NTM: variants seen among roughly 807,000 people sequenced by gnomAD.
NTM encodes the protein IgLON family member 2.
In NTM, 13 loss-of-function variants were observed where a neutral mutation model predicts 42.1. The observed-to-expected ratio is 0.31, with a 90% CI of 0.20 to 0.49. NTM has a LOEUF of 0.49. Ranked by LOEUF, NTM falls within the 20% of genes least tolerant of loss-of-function variation. The pLI, the probability that NTM is intolerant of heterozygous loss-of-function variation, is 0.99. For missense variants in NTM, 373 were observed against 452.8 expected (o/e 0.82, Z 1.60); for synonymous variants, 187 against 179.2 (o/e 1.04, Z -0.35).
At chr11:132,225,884 C>T (rs1246113661) in intron 4 of NTM, among the ~76,000 whole-genome samples, 3 of 152,042 alleles carry the variant, frequency 2.0e-5, no homozygotes, top group East Asian at 1.9e-4. Context: ...CCTGACAGGC[C>T]CTGGTGTGTG....
chr11:131,565,446 G>T (rs1269002675), intron 1 of NTM, among the ~76,000 whole-genome samples: 2 of 152,148 alleles, frequency 1.3e-5, no homozygotes, highest in East Asian at 3.9e-4. Flanking sequence ...GGTGAGAGCG[G>T]GGTTGGTTCT....
At chr11:131,642,662 A>G (rs543126863) in intron 1 of NTM, among the ~76,000 whole-genome samples, 10 of 152,200 alleles carry the variant, frequency 6.6e-5, no homozygotes, top group East Asian at 1.9e-4. Context: ...AAAGAAATGG[A>G]GTTGACCCAA....
At chr11:131,791,175 TCAAAGC>T (rs1251675779) in intron 1 of NTM, among the ~76,000 whole-genome samples, 15 of 152,144 alleles carry the variant, frequency 9.9e-5, no homozygotes, top group African/African-American at 3.6e-4. Flanking sequence ...CAAGAGGAGG[TCAAAGC>T]TAGTTTCAGC....
chr11:131,424,441 G>T (rs143157776), intron 1 of NTM, among the ~76,000 whole-genome samples: 1 of 152,022 alleles, frequency 6.6e-6, no homozygotes, highest in African/African-American at 2.4e-5. Context: ...CATTTGACAG[G>T]CAGGCAAACT....
At chr11:132,199,545 A>T (rs891208777) in intron 3 of NTM, among the ~76,000 whole-genome samples, 6 of 152,040 alleles carry the variant, frequency 3.9e-5, no homozygotes, top group Non-Finnish European at 7.4e-5. Flanking sequence ...TGGTCAGGTG[A>T]CCTCTTCCCC....
chr11:131,749,932 G>A (rs1467288388), intron 1 of NTM, among the ~76,000 whole-genome samples: 1 of 152,180 alleles, frequency 6.6e-6, no homozygotes, highest in African/African-American at 2.4e-5. Flanking sequence ...GCTGTGCAGG[G>A]CAGACACCGA....
intron 2 of NTM, among the ~76,000 whole-genome samples, chr11:131,929,507 GT>G (rs34433748): frequency 6.6e-6 from 1 of 150,546 alleles, no homozygotes; most frequent in Non-Finnish European, 1.5e-5. Context: ...AAAACTTTCC[GT>G]TTTTTTTGTA....
At chr11:131,953,309 C>CT (rs1331266559) in intron 2 of NTM, among the ~76,000 whole-genome samples, 5 of 152,136 alleles carry the variant, frequency 3.3e-5, no homozygotes, top group African/African-American at 1.2e-4. Flanking sequence ...TATCTTAGGA[C>CT]TAAAATTGAG....
At chr11:131,559,662 C>A (rs1293169094) in intron 1 of NTM, among the ~76,000 whole-genome samples, 1 of 152,210 alleles carries the variant, frequency 6.6e-6, no homozygotes, top group African/African-American at 2.4e-5. Flanking sequence ...GTGGCTTAAT[C>A]AAGGTAGAAA....
intron 3 of NTM, among the ~76,000 whole-genome samples, chr11:132,184,734 A>G (rs1346014630): frequency 8.5e-5 from 13 of 152,194 alleles, no homozygotes; most frequent in Admixed American, 7.2e-4. Context: ...GTAATTACAC[A>G]AGATGAATTT....
chr11:131,618,099 G>A (rs2062137315), intron 1 of NTM, among the ~76,000 whole-genome samples: 1 of 152,226 alleles, frequency 6.6e-6, no homozygotes, highest in African/African-American at 2.4e-5. Flanking sequence ...TTTGCAAGCT[G>A]TGCATTTCTT....
intron 1 of NTM, chr11:131,795,409 G>C: frequency 1.0e-6 from 1 of 985,240 alleles, no homozygotes; most frequent in Non-Finnish European, 1.2e-6. Flanking sequence ...GATATTTTAG[G>C]ACTGTCCTTA....
chr11:131,833,304 T>A (rs1222089874), intron 1 of NTM, among the ~76,000 whole-genome samples: 2 of 152,236 alleles, frequency 1.3e-5, no homozygotes, highest in Non-Finnish European at 1.5e-5. Context: ...TCACTTTCTA[T>A]TGCTATCAAT....
rs543955454 is a variant in NTM, at chr11:131,757,710, T to C, written c.83-153854T>C. ...CAGATGGTTATTATTATTATGTTTG[T>C]TTTTTTCTTAACAGGATGCTATTCC... is the stretch of plus-strand genomic sequence containing the variant. On this transcript the variant is annotated intron_variant, in intron 1 of 8. Transcript: ENST00000683400. Among the ~76,000 whole-genome samples, 27 of 152,254 alleles carry C rather than the reference T, an allele frequency of 1.8e-4. No individual in the cohort carries two copies. The South Asian group carries it at 4.4e-3, about 25-fold the overall frequency.
rs570928614 is a variant in NTM at position 131,684,271 on chromosome 11, C to A, written c.83-227293C>A. 1.8e-3 allele frequency among the ~76,000 whole-genome samples: 273 copies of A among 152,310 alleles called. 3 individuals carry two copies. Among genetic ancestry groups the A allele is most frequent in the African/African-American group, 6.3e-3 (263 of 41,576 alleles). ...AGTGACTCTCTCTGGCTCTGCCAAC[C>A]TGACCACAGCGATCCAGGGAGGATC... On this transcript the variant is annotated intron_variant, in intron 1 of 8. Transcript: ENST00000683400.
At chr11:131,763,626 A>G (rs576539253) in intron 1 of NTM, among the ~76,000 whole-genome samples, 3 of 149,634 alleles carry the variant, frequency 2.0e-5, no homozygotes, top group African/African-American at 7.3e-5. Flanking sequence ...GAAGCTGAAG[A>G]GCTCTGGGTA....
intron 4 of NTM, among the ~76,000 whole-genome samples, chr11:132,255,044 G>T (rs1453610098): frequency 1.3e-5 from 2 of 152,236 alleles, no homozygotes; most frequent in Admixed American, 6.5e-5. Context: ...CCCACAGCCT[G>T]CAGCCTTGCT....
At chr11:132,076,093 T>C (rs1054606098) in intron 2 of NTM, among the ~76,000 whole-genome samples, 4 of 152,232 alleles carry the variant, frequency 2.6e-5, no homozygotes, top group Non-Finnish European at 1.5e-5. Flanking sequence ...TATGTGTTGT[T>C]GAAATAGCTG....
At chr11:132,111,695 A>G (rs777574987) in intron 2 of NTM, among the ~76,000 whole-genome samples, 7 of 152,250 alleles carry the variant, frequency 4.6e-5, no homozygotes, top group Non-Finnish European at 1.0e-4. Context: ...CTCAGACATC[A>G]AAGTCAGCTA....
Sources: allele counts gnomAD v4.1 joint callset (sites outside exome capture counted in the v4.1 genomes callset), GRCh38; gene constraint gnomAD v4.1.1; transcripts MANE v1.5; gene names NCBI Gene and HGNC (gene_info 2026-07-23, HGNC 2026-07-21).